The following ARPC3 variants were observed in gnomAD, a reference collection of about 807,000 sequenced individuals.
The protein encoded by ARPC3 is actin-related protein 2/3 complex subunit 3.
ARPC3 carries 12 observed loss-of-function variants against 27.6 expected under a neutral mutation model. That is an observed-to-expected ratio of 0.43 (90% CI 0.28 to 0.70). The LOEUF is 0.70. Among genes scored for constraint, ARPC3 ranks in the 30% least tolerant of loss-of-function variants. ARPC3 has a pLI of 0.17. For missense variants in ARPC3, 153 were observed against 207.7 expected (o/e 0.74, Z 1.62); for synonymous variants, 53 against 67.2 (o/e 0.79, Z 1.03).
intron 2 of ARPC3, among the ~76,000 whole-genome samples, chr12:110,442,143 C>CAA (rs1305299613): frequency 6.6e-6 from 1 of 151,728 alleles, no homozygotes; most frequent in Non-Finnish European, 1.5e-5. Context: ...GCTAGGATTA[C>CAA]AGGCATAAGC....
chr12:110,444,166 T>C (rs1026479659), intron 2 of ARPC3, among the ~76,000 whole-genome samples: 7 of 152,044 alleles, frequency 4.6e-5, no homozygotes, highest in African/African-American at 1.7e-4. Context: ...AGATGGGGTT[T>C]CTCCATGTTG....
At chr12:110,435,280 T>G in intron 6 of ARPC3, 63 bp from the exon 7 acceptor site, 1 of 1,283,280 alleles carries the variant, frequency 7.8e-7, no homozygotes. Flanking sequence ...TTTGCATTTA[T>G]TTAATAATAA....
intron 1 of ARPC3, among the ~76,000 whole-genome samples, chr12:110,448,424 C>T (rs2062477712): frequency 6.6e-6 from 1 of 152,018 alleles, no homozygotes; most frequent in Non-Finnish European, 1.5e-5. Context: ...TGTCTGTAAT[C>T]CCAACACTTA....
At chr12:110,440,497 G>A in intron 2 of ARPC3, 109 bp from the exon 3 acceptor site, 1 of 742,568 alleles carries the variant, frequency 1.3e-6, no homozygotes, top group Non-Finnish European at 2.4e-6. Flanking sequence ...CAGTTGTGGA[G>A]TTGAATAAAA....
intron 2 of ARPC3, among the ~76,000 whole-genome samples, chr12:110,442,151 A>G (rs902717353): frequency 1.3e-5 from 2 of 152,030 alleles, no homozygotes. Flanking sequence ...TACAGGCATA[A>G]GCCACAGCAC....
chr12:110,447,590 T>C (rs903169937), intron 1 of ARPC3, among the ~76,000 whole-genome samples: 1 of 151,988 alleles, frequency 6.6e-6, no homozygotes, highest in African/African-American at 2.4e-5. Flanking sequence ...CTGACCAACA[T>C]GGTGAAACCC....
intron 2 of ARPC3, chr12:110,444,926 TCAGA>T (rs1176526388): frequency 1.1e-5 from 2 of 177,562 alleles, no homozygotes; most frequent in East Asian, 1.6e-4. Flanking sequence ...CAGAAGAGTC[TCAGA>T]CAGTGTCTGA....
chr12:110,436,678 A>T lies in ARPC3; in HGVS notation c.258T>A (p.Asn86Lys). 1 of 1,511,776 alleles carries T rather than the reference A, an allele frequency of 6.6e-7. No homozygotes were observed. Among genetic ancestry groups the T allele is most frequent in the Non-Finnish European group, 9.0e-7 (1 of 1,116,268 alleles). The allele number at this position is 1,511,776 out of a possible 1,614,324, so 93.6% of individuals were successfully genotyped here. A position where few individuals can be genotyped will look rare whatever the true frequency, so the allele number is the denominator to read the frequency against. The change falls in exon 5 of 7, where the codon AAT becomes AAA. Residue 86 changes from asparagine to lysine, a missense_variant. Coordinates refer to ENST00000228825, the MANE Select transcript of ARPC3 (RefSeq NM_001278556.2). ...TTTCTTTCTCACCTTGGCTTTTGGA[A>T]TTGCACTGGAAAAAAAAATATATAT... ...SECLKKLQKC[N>K]SKSQGEKEMY...
At chr12:110,439,440 G>C (rs577877381) in intron 3 of ARPC3, among the ~76,000 whole-genome samples, 42 of 152,174 alleles carry the variant, frequency 2.8e-4, no homozygotes, top group Non-Finnish European at 5.4e-4. Flanking sequence ...TACCATCACA[G>C]AATGTTTAGA....
chr12:110,441,986 G>A (rs1252203418), intron 2 of ARPC3, among the ~76,000 whole-genome samples: 1 of 149,922 alleles, frequency 6.7e-6, no homozygotes, highest in Non-Finnish European at 1.5e-5. Context: ...AGCCAAGATT[G>A]CACCATTGCA....
In ARPC3 at chr12:110,445,459, G is replaced by A. The variant is rs140414892; in HGVS notation, c.99C>T (p.Pro33=). ...PIRSQFKGPA[P]RETKDTDIVD... ...TAATGGGTTTAGACTTACTCTCTCT[G>A]GGGGCAGGTCCTTTGAATTGACTTC... Residue 33 remains proline (P), a synonymous_variant, in exon 2 of 7, where the codon CCC becomes CCT. Transcript: ENST00000228825. 2.9e-5 allele frequency: 46 copies of A among 1,606,092 alleles called. No individual in the cohort carries two copies. The highest frequency in any genetic ancestry group is 3.3e-4 in the Middle Eastern group (2 of 6,064).
chr12:110,436,055 T>A, intron 6 of ARPC3, 55 bp downstream of exon 6: 1 of 1,348,888 alleles, frequency 7.4e-7, no homozygotes, highest in African/African-American at 1.4e-5. Flanking sequence ...TGTTCAATGG[T>A]GGCTATGGGA....
In ARPC3 at chr12:110,450,290, G is replaced by T; in HGVS notation, c.-30C>A. The T allele has an allele frequency of 6.2e-7, 1 of 1,613,954 alleles. No homozygotes were observed. The highest frequency in any genetic ancestry group is 8.5e-7 in the Non-Finnish European group (1 of 1,179,946). The stretch of plus-strand genomic sequence containing the variant: ...GCGGCGCCCGGGTTTCAACCCAGAG[G>T]AGCAGGATCCAGGTACAGCGGAGCG... On this transcript the variant is annotated 5_prime_UTR_variant, in exon 1 of 7. Coordinates refer to ENST00000228825, the MANE Select transcript of ARPC3 (RefSeq NM_001278556.2).
intron 1 of ARPC3, among the ~76,000 whole-genome samples, chr12:110,448,885 C>T (rs1566298687): frequency 1.3e-5 from 2 of 150,650 alleles, no homozygotes; most frequent in Non-Finnish European, 2.9e-5. Flanking sequence ...AAGCGATTCT[C>T]CTGCCTCAGC....
chr12:110,437,567 C>T (rs571166332), intron 3 of ARPC3, among the ~76,000 whole-genome samples: 1 of 152,246 alleles, frequency 6.6e-6, no homozygotes, highest in South Asian at 2.1e-4. Flanking sequence ...GGGGTTTCAC[C>T]ATGTTGGCCA....
chr12:110,446,712 G>A (rs546093356), intron 1 of ARPC3, among the ~76,000 whole-genome samples: 65 of 151,252 alleles, frequency 4.3e-4, no homozygotes, highest in Non-Finnish European at 8.1e-4. Context: ...GGGTTCAAGC[G>A]ATTCTCCTGC....
intron 2 of ARPC3, chr12:110,442,683 T>C (rs945099308): frequency 1.3e-5 from 2 of 152,006 alleles, no homozygotes; most frequent in African/African-American, 4.8e-5. Context: ...TGAATTTACA[T>C]ATTATAGTTT....
At chr12:110,440,442 T>C in intron 2 of ARPC3, 54 bp from the exon 3 acceptor site, 1 of 1,210,762 alleles carries the variant, frequency 8.3e-7, no homozygotes, top group South Asian at 1.2e-5. Context: ...ATACAAAACA[T>C]AACAACTATC....
intron 2 of ARPC3, chr12:110,445,160 G>T (rs1164156341): frequency 8.6e-6 from 3 of 349,836 alleles, no homozygotes; most frequent in Non-Finnish European, 1.6e-5. Flanking sequence ...CATTCTAGAC[G>T]TAACAGCATT....
Sources: gnomAD v4.1 joint callset for allele counts (sites outside exome capture counted in the v4.1 genomes callset) on GRCh38, gnomAD v4.1.1 for gene constraint, MANE v1.5 for transcripts, NCBI Gene and HGNC (gene_info 2026-07-23, HGNC 2026-07-21) for gene names.